TVP23C: variants seen among roughly 807,000 people sequenced by gnomAD.
TVP23C encodes Golgi apparatus membrane protein TVP23 homolog C.
In TVP23C, 19 loss-of-function variants were observed where a neutral mutation model predicts 28.7. The observed-to-expected ratio is 0.66, with a 90% CI of 0.46 to 0.97. The LOEUF is 0.97. Among genes scored for constraint, TVP23C ranks in the 50% least tolerant of loss-of-function variants. TVP23C has a pLI of 0.00. For synonymous variants in TVP23C, 68 were observed against 81.7 expected (o/e 0.83, Z 0.90); for missense variants, 186 against 241.3 (o/e 0.77, Z 1.52).
At chr17:15,521,364 C>T (rs2860548) in intron 5 of TVP23C, among the ~76,000 whole-genome samples, 14,331 of 151,990 alleles carry the variant, frequency 0.094, 1,156 homozygotes, top group East Asian at 0.45. Flanking sequence ...ATTGGCCAGG[C>T]GTGGTGGTGG....
At chr17:15,524,972 C>T (rs1982659216) in intron 5 of TVP23C, among the ~76,000 whole-genome samples, 1 of 152,228 alleles carries the variant, frequency 6.6e-6, no homozygotes, top group Non-Finnish European at 1.5e-5. Context: ...GTTGCTTCAT[C>T]TTCTGAAAAG....
At chr17:15,555,409 G>A (rs771367685) in intron 1 of TVP23C, 45 bp from the exon 2 acceptor site, 2 of 1,612,988 alleles carry the variant, frequency 1.2e-6, no homozygotes, top group Non-Finnish European at 1.7e-6. Flanking sequence ...AAAATTCAGT[G>A]TTTACACAGC....
Position 15,558,045 on chromosome 17 carries a change from AAAAC to A in TVP23C, c.13-2685_13-2682del, listed in dbSNP as rs556856071. On this transcript the variant is annotated intron_variant, in intron 1 of 5. Coordinates refer to ENST00000518321, the MANE Select transcript of TVP23C (RefSeq NM_001135036.2). Reference sequence around the variant, plus strand: ...ACAATTAGAATGCTCTTTTTCTTAAAAAACAAACAAACAAACAAAAAAAGGCTGA... The same window carrying A: ...ACAATTAGAATGCTCTTTTTCTTAAAAAACAAACAAACAAAAAAAGGCTGA... 1.4e-3 allele frequency among the ~76,000 whole-genome samples: 205 copies of A among 149,582 alleles called. 7 individuals carry two copies. The highest frequency in any genetic ancestry group is 4.1e-3 in the African/African-American group (168 of 41,350).
intron 5 of TVP23C, among the ~76,000 whole-genome samples, chr17:15,528,442 T>C (rs1349565432): frequency 3.3e-5 from 5 of 152,090 alleles, no homozygotes; most frequent in Non-Finnish European, 4.4e-5. Flanking sequence ...CTAATTTAAT[T>C]CCATTTTGAC....
At chr17:15,517,635 A>C (rs1982286384) in intron 5 of TVP23C, among the ~76,000 whole-genome samples, 1 of 152,176 alleles carries the variant, frequency 6.6e-6, no homozygotes, top group African/African-American at 2.4e-5. Flanking sequence ...GGAATTGTTT[A>C]TATCCATCAC....
chr17:15,520,415 G>C (rs1293682724), intron 5 of TVP23C, among the ~76,000 whole-genome samples: 4 of 147,392 alleles, frequency 2.7e-5, no homozygotes, highest in Admixed American at 6.8e-5. Context: ...TCTCAACTCA[G>C]AGAGGATTTT....
intron 5 of TVP23C, among the ~76,000 whole-genome samples, chr17:15,520,627 T>C (rs1366007961): frequency 6.6e-6 from 1 of 151,956 alleles, no homozygotes; most frequent in Non-Finnish European, 1.5e-5. Flanking sequence ...GTTCTTGTTA[T>C]CACATTATGG....
Position 15,558,593 on chromosome 17 carries a change from A to G in TVP23C, c.13-3229T>C, listed in dbSNP as rs1164066212. Among the ~76,000 whole-genome samples the G allele has an allele frequency of 5.4e-5, 8 of 148,244 alleles. 1 individual carries two copies. Among genetic ancestry groups the G allele is most frequent in the Non-Finnish European group, 7.5e-5 (5 of 66,544 alleles). ...GGAAACAAAGGAGGGTCAGTGAGAG[A>G]AGGTGATGAAACAAGCAAAGTAGAG... On this transcript the variant is annotated intron_variant, in intron 1 of 5. Transcript: ENST00000518321.
intron 5 of TVP23C, among the ~76,000 whole-genome samples, chr17:15,542,429 G>A (rs897980736): frequency 6.6e-6 from 1 of 152,060 alleles, no homozygotes; most frequent in Admixed American, 6.6e-5. Context: ...GCCCATTCCC[G>A]TCCTGTGGTC....
intron 4 of TVP23C, among the ~76,000 whole-genome samples, chr17:15,546,432 G>A (rs1471179829): frequency 2.0e-5 from 3 of 152,000 alleles, no homozygotes; most frequent in African/African-American, 4.8e-5. Context: ...AGGAATACAG[G>A]CTCATTGAAC....
rs1036238870 is a variant in TVP23C at position 15,540,804 on chromosome 17, T to C, written c.463-243A>G. 2.3e-4 allele frequency among the ~76,000 whole-genome samples: 35 copies of C among 152,282 alleles called. 1 individual carries two copies. Among genetic ancestry groups the C allele is most frequent in the Admixed American group, 1.0e-3 (16 of 15,288 alleles). ...ATTTACTGGACACAACTGCTCTATG[T>C]GCCAGGCACCATGCTAGCTGCTGGG... is the stretch of plus-strand genomic sequence containing the variant. On this transcript the variant is annotated intron_variant, in intron 5 of 5. Coordinates refer to ENST00000518321, the MANE Select transcript of TVP23C (RefSeq NM_001135036.2).
downstream of TVP23C, among the ~76,000 whole-genome samples, chr17:15,535,905 CA>C (rs1343240747): frequency 6.6e-6 from 1 of 152,114 alleles, no homozygotes; most frequent in Non-Finnish European, 1.5e-5. Flanking sequence ...AAAGTTCAAA[CA>C]GGTCGCCAGA....
At chr17:15,549,739 C>T (rs1158724278) in intron 3 of TVP23C, among the ~76,000 whole-genome samples, 3 of 151,444 alleles carry the variant, frequency 2.0e-5, no homozygotes, top group Non-Finnish European at 4.4e-5. Flanking sequence ...GTCAAGAAGA[C>T]ACATGGAGAG....
intron 1 of TVP23C, among the ~76,000 whole-genome samples, chr17:15,561,633 T>TG (rs1478883218): frequency 3.1e-3 from 274 of 88,666 alleles, no homozygotes; most frequent in African/African-American, 0.014. Context: ...AATGAATGAA[T>TG]AAATAAATAA....
At chr17:15,521,460 C>T (rs762245950) in intron 5 of TVP23C, among the ~76,000 whole-genome samples, 13 of 151,944 alleles carry the variant, frequency 8.6e-5, no homozygotes, top group East Asian at 1.9e-4. Flanking sequence ...GCTGAGATTA[C>T]GCCACTGCAC....
intron 3 of TVP23C, among the ~76,000 whole-genome samples, chr17:15,551,186 G>A (rs1029894372): frequency 6.6e-6 from 1 of 151,286 alleles, no homozygotes; most frequent in Non-Finnish European, 1.5e-5. Flanking sequence ...GCGCGATCTC[G>A]GCTCACTGCC....
chr17:15,557,297 T>G (rs1355523098), intron 1 of TVP23C, among the ~76,000 whole-genome samples: 5 of 146,410 alleles, frequency 3.4e-5, no homozygotes, highest in South Asian at 2.3e-4. Context: ...AAGGTTTTTT[T>G]TTTTTTTTTT....
chr17:15,539,212 TA>T lies in TVP23C; in HGVS notation c.*1199del. The T allele has an allele frequency of 1.0e-6, 1 of 975,704 alleles. No individual in the cohort carries two copies. The highest frequency in any genetic ancestry group is 1.1e-4 in the East Asian group (1 of 8,762). The allele number at this position is 975,704 out of a possible 1,614,324, so 60.4% of individuals were successfully genotyped here. A position where few individuals can be genotyped will look rare whatever the true frequency, so the allele number is the denominator to read the frequency against. On this transcript the variant is annotated 3_prime_UTR_variant, in exon 6 of 6. Transcript: ENST00000518321. ...TGGAACCCAGCAATCTTGTGCCCTC[TA>T]GGTGATTCTCATGTATGTTCGAGTT...
At chr17:15,521,352 A>AC (rs1452682031) in intron 5 of TVP23C, among the ~76,000 whole-genome samples, 1 of 152,080 alleles carries the variant, frequency 6.6e-6, no homozygotes, top group Non-Finnish European at 1.5e-5. Flanking sequence ...ATATACAAAA[A>AC]AATTGGCCAG....
Sources: allele counts gnomAD v4.1 joint callset (sites outside exome capture counted in the v4.1 genomes callset), GRCh38; gene constraint gnomAD v4.1.1; transcripts MANE v1.5; gene names NCBI Gene and HGNC (gene_info 2026-07-23, HGNC 2026-07-21).